Variants in WDFY4 observed in about 807,000 individuals in gnomAD.
WDFY4 encodes WD repeat- and FYVE domain-containing protein 4.
A neutral mutation model predicts 351.9 loss-of-function variants in WDFY4; 169 were observed. The ratio of observed to expected loss-of-function variants is 0.48; its 90% confidence interval spans 0.42 to 0.55. The LOEUF (loss-of-function observed/expected upper bound fraction) is 0.55, where lower values mean the gene tolerates loss of function less well. Among genes scored for constraint, WDFY4 ranks in the 20% least tolerant of loss-of-function variants. The pLI is 0.00. For synonymous variants in WDFY4, 1,622 were observed against 1,574.6 expected (o/e 1.03, Z -0.71); for missense variants, 3,803 against 3,935.6 (o/e 0.97, Z 0.90).
intron 21 of WDFY4, 68 bp from the exon 22 acceptor site, chr10:48,789,806 G>A (rs2066617761): frequency 1.4e-5 from 21 of 1,478,608 alleles, no homozygotes; most frequent in Non-Finnish European, 1.9e-5. Context: ...CTGCCCTCCA[G>A]GAGCTCGTGG....
At chr10:48,971,633 C>T (rs1590022055) in intron 57 of WDFY4, among the ~76,000 whole-genome samples, 1 of 152,118 alleles carries the variant, frequency 6.6e-6, no homozygotes, top group African/African-American at 2.4e-5. Flanking sequence ...ATTTTCAAGC[C>T]ACTTCTGTCA....
chr10:48,917,718 G>A (rs1838679524), intron 47 of WDFY4, among the ~76,000 whole-genome samples: 1 of 152,204 alleles, frequency 6.6e-6, no homozygotes. Flanking sequence ...CTAAGCTGCT[G>A]TAAAAGAAAT....
At chr10:48,705,480 G>A (rs2063602373) in intron 1 of WDFY4, among the ~76,000 whole-genome samples, 1 of 152,114 alleles carries the variant, frequency 6.6e-6, no homozygotes, top group Non-Finnish European at 1.5e-5. Flanking sequence ...GGCACTTCTT[G>A]AGAATGAGAC....
At chr10:48,826,474 T>C (rs895118525) in intron 35 of WDFY4, among the ~76,000 whole-genome samples, 197 bp from the exon 36 acceptor site, 1 of 152,238 alleles carries the variant, frequency 6.6e-6, no homozygotes, top group Non-Finnish European at 1.5e-5. Flanking sequence ...TCCATATGAA[T>C]TTTAAAATAG....
At chr10:48,924,755 G>A (rs1008030891) in intron 47 of WDFY4, among the ~76,000 whole-genome samples, 3 of 152,168 alleles carry the variant, frequency 2.0e-5, no homozygotes, top group Admixed American at 6.5e-5. Context: ...AAAAGTAATG[G>A]CAACCAATAT....
intron 21 of WDFY4, among the ~76,000 whole-genome samples, chr10:48,789,376 G>A (rs79868393): frequency 6.6e-6 from 1 of 152,296 alleles, no homozygotes; most frequent in South Asian, 2.1e-4. Flanking sequence ...CAGAGGATGG[G>A]GAGTCAGGAA....
At chr10:48,966,699 G>C in intron 55 of WDFY4, 26 bp downstream of exon 55, 1 of 1,548,172 alleles carries the variant, frequency 6.5e-7, no homozygotes, top group South Asian at 1.2e-5. Flanking sequence ...TGCATTGTTT[G>C]GTGTCCTGTC....
intron 9 of WDFY4, among the ~76,000 whole-genome samples, chr10:48,733,569 C>T (rs772807451): frequency 1.1e-4 from 16 of 152,198 alleles, no homozygotes; most frequent in Admixed American, 2.6e-4. Context: ...TCATCTGGGG[C>T]AATGCTTCTC....
chr10:48,766,921 G>A (rs1281679640), intron 13 of WDFY4, among the ~76,000 whole-genome samples: 1 of 152,234 alleles, frequency 6.6e-6, no homozygotes, highest in Non-Finnish European at 1.5e-5. Flanking sequence ...GGTGGAGCTT[G>A]TGGCCAAAGG....
rs549548046 is a variant in WDFY4 at position 48,775,720 on chromosome 10, T to C, written c.2777T>C (p.Leu926Pro). The change falls in exon 15 of 62, where the codon CTA becomes CCA. Residue 926 changes from leucine to proline, a missense_variant. Coordinates refer to ENST00000325239, the MANE Select transcript of WDFY4 (RefSeq NM_001394531.1). Reference sequence around the variant, plus strand: ...TTGTATGTTATGTTCAGACAGTTTCTAGGTCTTGGAATTCCCTCATCTCTG... The same window carrying C: ...TTGTATGTTATGTTCAGACAGTTTCCAGGTCTTGGAATTCCCTCATCTCTG... Reference protein sequence around the residue: ...AIEPDVLRQFLGLGIPSSLSA... With the variant: ...AIEPDVLRQFPGLGIPSSLSA... 62 of 1,551,664 alleles carry C rather than the reference T, an allele frequency of 4.0e-5. No individual in the cohort carries two copies. Among genetic ancestry groups the C allele is most frequent in the Non-Finnish European group, 5.1e-5 (59 of 1,146,942 alleles).
chr10:48,913,563 A>G lies in WDFY4; in HGVS notation c.7586+11700A>G, dbSNP rs190314338. 3.0e-5 allele frequency: 49 copies of G among 1,613,472 alleles called. No individual in the cohort carries two copies. In the African/African-American group the frequency reaches 5.7e-4, roughly 19 times the overall value. Reference sequence around the variant, plus strand: ...CAGATCCTTCTCCTCCACAACATACAAGTTCTCCAGCCTCCTGATGGAGTC... The same window carrying G: ...CAGATCCTTCTCCTCCACAACATACGAGTTCTCCAGCCTCCTGATGGAGTC... On this transcript the variant is annotated intron_variant, in intron 47 of 61. Transcript: ENST00000325239.
In WDFY4 at chr10:48,790,837, G is replaced by A; in HGVS notation, c.4177G>A (p.Ala1393Thr). 6.4e-7 allele frequency: 1 copy of A among 1,551,780 alleles called. No homozygotes were observed. Among genetic ancestry groups the A allele is most frequent in the Non-Finnish European group, 8.7e-7 (1 of 1,147,016 alleles). The part of the protein sequence containing the change: ...SLATDDHTMY[A>T]AVKVLHSVLT... ...AGCGACAGATGACCATACCATGTAT[G>A]CGGCTGTGAAAGTTCTGCACTCGGT... The change falls in exon 23 of 62, where the codon GCG becomes ACG. Residue 1393 changes from alanine (A) to threonine (T), a missense_variant. Ala to Thr is a moderately conservative substitution (Grantham distance 58, BLOSUM62 0). This residue lies in a region of WDFY4 where 3,054 missense variants were observed against 3,148.6 expected (regional missense o/e 0.97). Transcript: ENST00000325239.
intron 19 of WDFY4, among the ~76,000 whole-genome samples, chr10:48,786,060 C>G (rs975700973): frequency 5.9e-5 from 9 of 152,062 alleles, no homozygotes; most frequent in African/African-American, 1.9e-4. Context: ...TATACAGATC[C>G]TCTACTTGTC....
chr10:48,775,923 C>G, intron 15 of WDFY4, 117 bp downstream of exon 15: 1 of 952,590 alleles, frequency 1.0e-6, no homozygotes, highest in Non-Finnish European at 1.6e-6. Flanking sequence ...ATGGTTTTGT[C>G]TGCTGCTCAA....
intron 1 of WDFY4, 71 bp from the exon 2 acceptor site, chr10:48,709,645 C>T: frequency 4.4e-6 from 6 of 1,353,640 alleles, no homozygotes; most frequent in Non-Finnish European, 6.2e-6. Flanking sequence ...GAGTACAGTA[C>T]CTTATCCACA....
rs529631785 is a variant in WDFY4, at chr10:48,887,517, G to A, written c.7168-3062G>A. On this transcript the variant is annotated intron_variant, in intron 43 of 61. Coordinates refer to ENST00000325239, the MANE Select transcript of WDFY4 (RefSeq NM_001394531.1). ...CTTCAGGCCAGGCGCGGTGGCTCAC[G>A]CCCGTAATCCCAGCACTTTGGGAGG... 3.3e-5 allele frequency among the ~76,000 whole-genome samples: 5 copies of A among 152,250 alleles called. 1 individual carries two copies. In the East Asian group the frequency reaches 5.8e-4, roughly 18 times the overall value.
rs553835838 is a variant in WDFY4 at position 48,783,797 on chromosome 10, A to T, written c.3577-2842A>T. On this transcript the variant is annotated intron_variant, in intron 19 of 61. Transcript: ENST00000325239. Reference sequence around the variant, plus strand: ...CTCCTAGGCTATAAACCTAGACAGCATGTTGCTATACTGAATACTGTAGGC... The same window carrying T: ...CTCCTAGGCTATAAACCTAGACAGCTTGTTGCTATACTGAATACTGTAGGC... 3.9e-5 allele frequency among the ~76,000 whole-genome samples: 6 copies of T among 152,374 alleles called. No individual in the cohort carries two copies. The South Asian group carries it at 6.2e-4, about 16-fold the overall frequency.
chr10:48,692,595 T>C (rs1016536402), intron 1 of WDFY4, among the ~76,000 whole-genome samples: 1 of 152,210 alleles, frequency 6.6e-6, no homozygotes, highest in Non-Finnish European at 1.5e-5. Flanking sequence ...AAAGAGAGCG[T>C]ATTCATGAAT....
At chr10:48,919,398 C>T (rs188785946) in intron 47 of WDFY4, among the ~76,000 whole-genome samples, 41 of 152,214 alleles carry the variant, frequency 2.7e-4, no homozygotes, top group African/African-American at 9.2e-4. Context: ...CGGTTGAAAC[C>T]CTTTCAAAAA....
Sources: gnomAD v4.1 joint callset for allele counts (sites outside exome capture counted in the v4.1 genomes callset) on GRCh38, gnomAD v4.1.1 for gene constraint, gnomAD v4.1.1 regional missense constraint, MANE v1.5 for transcripts, NCBI Gene and HGNC (gene_info 2026-07-23, HGNC 2026-07-21) for gene names.